The following NRG2 variants were observed in gnomAD, a reference collection of about 807,000 sequenced individuals.
NRG2 encodes neuregulin 2.
In NRG2, 27 loss-of-function variants were observed where a neutral mutation model predicts 73.9. The ratio of observed to expected loss-of-function variants is 0.37; its 90% confidence interval spans 0.27 to 0.50. NRG2 has a LOEUF of 0.50. Ranked by LOEUF, NRG2 falls within the 20% of genes least tolerant of loss-of-function variation. The pLI is 0.96. For synonymous variants in NRG2, 532 were observed against 541.0 expected, an observed-to-expected ratio of 0.98 and a Z score of 0.23; for missense variants, 1,126 against 1,210.1, an observed-to-expected ratio of 0.93 and a Z score of 1.03.
intron 1 of NRG2, among the ~76,000 whole-genome samples, chr5:140,007,098 A>T (rs1758967078): frequency 6.6e-6 from 1 of 152,156 alleles, no homozygotes; most frequent in Non-Finnish European, 1.5e-5. Context: ...TGCTACTGGC[A>T]TCTAGTGGAG....
At chr5:139,908,222 A>T (rs189569434) in intron 1 of NRG2, among the ~76,000 whole-genome samples, 4 of 152,364 alleles carry the variant, frequency 2.6e-5, no homozygotes, top group Non-Finnish European at 1.5e-5. Flanking sequence ...TTAGTAAATA[A>T]TGGGAAGTTG....
intron 1 of NRG2, among the ~76,000 whole-genome samples, chr5:139,935,451 C>T (rs1267595108): frequency 6.6e-6 from 1 of 152,130 alleles, no homozygotes; most frequent in Non-Finnish European, 1.5e-5. Context: ...CCAAATTAGA[C>T]CACATTCTGG....
At chr5:139,946,060 A>G (rs548763811) in intron 1 of NRG2, among the ~76,000 whole-genome samples, 1 of 152,246 alleles carries the variant, frequency 6.6e-6, no homozygotes, top group African/African-American at 2.4e-5. Context: ...CTACAGATTC[A>G]GTGCCATCCC....
intron 1 of NRG2, among the ~76,000 whole-genome samples, chr5:139,938,944 AGAAAGAAAGAAAGAAAAAAG>A (rs1753126664): frequency 7.0e-6 from 1 of 141,988 alleles, no homozygotes; most frequent in East Asian, 2.1e-4. Context: ...AAAGAAAGAA[AGAAAGAAAGAAAGAAAAAAG>A]AAGGAAGGAA....
chr5:139,963,259 G>A (rs550847422), intron 1 of NRG2, among the ~76,000 whole-genome samples: 2 of 152,224 alleles, frequency 1.3e-5, no homozygotes, highest in Non-Finnish European at 2.9e-5. Flanking sequence ...CACCATCCAC[G>A]GTGATCTGGA....
rs1015701366 is a variant in NRG2, at chr5:139,856,705, G to T, written c.1190-927C>A. 6.6e-6 allele frequency among the ~76,000 whole-genome samples: 1 copy of T among 152,152 alleles called. No individual in the cohort carries two copies. Among genetic ancestry groups the T allele is most frequent in the Admixed American group, 6.5e-5 (1 of 15,280 alleles). On this transcript the variant is annotated intron_variant, in intron 5 of 9. Coordinates refer to ENST00000361474, the MANE Select transcript of NRG2 (RefSeq NM_004883.3). This position sits in a 1 kb window ranked among gnomAD's most constrained non-coding sequence, Gnocchi z 4.2. ...CCTGTGGCAAAGGTGTACACACCAG[G>T]AAACACCCAGGGCTACAAACCCTCC...
intron 1 of NRG2, among the ~76,000 whole-genome samples, chr5:140,019,979 C>T (rs201073494): frequency 6.6e-6 from 1 of 152,308 alleles, no homozygotes; most frequent in East Asian, 1.9e-4. Context: ...GTCTCAAACT[C>T]CTGATCTCAG....
At chr5:140,005,334 C>G (rs550516310) in intron 1 of NRG2, among the ~76,000 whole-genome samples, 1 of 152,200 alleles carries the variant, frequency 6.6e-6, no homozygotes, top group South Asian at 2.1e-4. Flanking sequence ...GAAAGGTGGT[C>G]ACGGACTAGA....
intron 1 of NRG2, among the ~76,000 whole-genome samples, chr5:139,931,661 GAAAC>G (rs1752476490): frequency 6.6e-6 from 1 of 152,086 alleles, no homozygotes; most frequent in Non-Finnish European, 1.5e-5. Flanking sequence ...ATGCCATCAA[GAAAC>G]AAACAAGTAG....
At chr5:140,007,722 C>A (rs1465821761) in intron 1 of NRG2, among the ~76,000 whole-genome samples, 1 of 152,214 alleles carries the variant, frequency 6.6e-6, no homozygotes, top group African/African-American at 2.4e-5. Context: ...AACTCTCTTC[C>A]ATCAAAGAGG....
intron 1 of NRG2, among the ~76,000 whole-genome samples, chr5:139,897,258 TTGTC>T (rs1423034825): frequency 1.6e-4 from 25 of 152,368 alleles, no homozygotes; most frequent in Admixed American, 1.1e-3. Flanking sequence ...CCTTCATTCC[TTGTC>T]TGTGAAACAG....
At chr5:140,029,375 T>C (rs942096317) in intron 1 of NRG2, among the ~76,000 whole-genome samples, 17 of 152,324 alleles carry the variant, frequency 1.1e-4, no homozygotes, top group African/African-American at 3.6e-4. Context: ...CTAGCCTGCA[T>C]TGAATGTTTT....
At chr5:140,033,622 A>T (rs1326956308) in intron 1 of NRG2, among the ~76,000 whole-genome samples, 1 of 152,144 alleles carries the variant, frequency 6.6e-6, no homozygotes, top group African/African-American at 2.4e-5. Context: ...TTCTCTTCTC[A>T]CCACCACCTC....
intron 1 of NRG2, among the ~76,000 whole-genome samples, chr5:139,901,440 G>A (rs1165091192): frequency 6.6e-6 from 1 of 152,172 alleles, no homozygotes; most frequent in Non-Finnish European, 1.5e-5. Flanking sequence ...ACCAGAGGTG[G>A]AGGCTGCCAG....
intron 1 of NRG2, among the ~76,000 whole-genome samples, chr5:139,950,142 A>C (rs1754092024): frequency 6.6e-6 from 1 of 152,228 alleles, no homozygotes; most frequent in Admixed American, 6.5e-5. Flanking sequence ...CCTTTGAACC[A>C]AGCTCTGTTT....
At chr5:140,009,409 A>G (rs992078734) in intron 1 of NRG2, among the ~76,000 whole-genome samples, 2 of 152,238 alleles carry the variant, frequency 1.3e-5, no homozygotes, top group Admixed American at 6.5e-5. Context: ...TTCTACATAC[A>G]GGAGGCACTT....
At chr5:140,005,717 C>G (rs945017591) in intron 1 of NRG2, among the ~76,000 whole-genome samples, 1 of 152,204 alleles carries the variant, frequency 6.6e-6, no homozygotes. Flanking sequence ...AGCCCCAGCT[C>G]CTCAGGCATC....
chr5:139,977,787 C>T (rs1397468841), intron 1 of NRG2, among the ~76,000 whole-genome samples: 2 of 152,138 alleles, frequency 1.3e-5, no homozygotes, highest in Non-Finnish European at 2.9e-5. Flanking sequence ...AGAAATAATG[C>T]CGCGTATCTA....
At chr5:140,040,237 G>A (rs554643710) in intron 1 of NRG2, among the ~76,000 whole-genome samples, 41 of 151,956 alleles carry the variant, frequency 2.7e-4, no homozygotes, top group African/African-American at 9.7e-4. Flanking sequence ...ATTCTAAAAT[G>A]TTTACTGCCA....
Sources: gnomAD v4.1 joint callset for allele counts (sites outside exome capture counted in the v4.1 genomes callset) on GRCh38, gnomAD v4.1.1 for gene constraint, Gnocchi (gnomAD v3.1) non-coding constraint, MANE v1.5 for transcripts, NCBI Gene and HGNC (gene_info 2026-07-23, HGNC 2026-07-21) for gene names.